The following CPA6 variants were observed in gnomAD, a reference collection of about 807,000 sequenced individuals.
The protein encoded by CPA6 is carboxypeptidase B.
A neutral mutation model predicts 63.3 loss-of-function variants in CPA6; 58 were observed. The ratio of observed to expected loss-of-function variants is 0.92; its 90% CI spans 0.74 to 1.14. The LOEUF (loss-of-function observed/expected upper bound fraction) is 1.14, where lower values mean the gene tolerates loss of function less well. CPA6 is among the 50% of genes most tolerant of loss of function. The pLI is 0.00. For synonymous variants in CPA6, 185 were observed against 179.0 expected, an observed-to-expected ratio of 1.03 and a Z score of -0.27; for missense variants, 565 against 526.6, an observed-to-expected ratio of 1.07 and a Z score of -0.71.
rs185791162 is a variant in CPA6 at position 67,707,205 on chromosome 8, A to G, written c.116+38809T>C. Among the ~76,000 whole-genome samples the G allele has an allele frequency of 4.1e-3, 629 of 152,328 alleles. 4 individuals carry two copies. Among genetic ancestry groups the G allele is most frequent in the African/African-American group, 0.012 (518 of 41,576 alleles). The stretch of plus-strand genomic sequence containing the variant: ...TGATAACTTTAGTGATTGTGACATT[A>G]GAATAGGTGAAAAAACTTTCAGGAC... On this transcript the variant is annotated intron_variant, in intron 1 of 10. Coordinates refer to ENST00000297770, the MANE Select transcript of CPA6 (RefSeq NM_020361.5).
rs1810395242 is a variant in CPA6, at chr8:67,445,676, T to G, written c.839-11436A>C. On this transcript the variant is annotated intron_variant, in intron 8 of 10. Coordinates refer to ENST00000297770, the MANE Select transcript of CPA6 (RefSeq NM_020361.5). ...TAAATAACTTAGTGTCTACATGTTG[T>G]TTTTCTTCAATGAATTTATGATATA... 3.3e-5 allele frequency among the ~76,000 whole-genome samples: 5 copies of G among 152,288 alleles called. No individual in the cohort carries two copies. In the South Asian group the frequency reaches 1.0e-3, roughly 32 times the overall value.
At chr8:67,443,835 AG>A (rs929315891) in intron 8 of CPA6, among the ~76,000 whole-genome samples, 1 of 152,224 alleles carries the variant, frequency 6.6e-6, no homozygotes, top group African/African-American at 2.4e-5. Flanking sequence ...AGCTGGAGGT[AG>A]GACAGTGGTA....
At chr8:67,678,568 A>T (rs1199014171) in intron 1 of CPA6, among the ~76,000 whole-genome samples, 1 of 152,224 alleles carries the variant, frequency 6.6e-6, no homozygotes, top group African/African-American at 2.4e-5. Context: ...TTAATACTCA[A>T]TGCAACACCA....
At chr8:67,428,007 AAG>A (rs749289771) in intron 10 of CPA6, 38 bp downstream of exon 10, 2 of 1,344,802 alleles carry the variant, frequency 1.5e-6, no homozygotes, top group Non-Finnish European at 2.1e-6. Context: ...ATATTGGTTC[AAG>A]AGAGAGGATT....
chr8:67,501,570 G>A (rs1350053158), intron 6 of CPA6, among the ~76,000 whole-genome samples: 1 of 152,026 alleles, frequency 6.6e-6, no homozygotes, highest in Admixed American at 6.6e-5. Flanking sequence ...TAACTTTTGA[G>A]TATTAAACTG....
At chr8:67,465,750 T>A (rs1810911543) in intron 8 of CPA6, among the ~76,000 whole-genome samples, 1 of 152,212 alleles carries the variant, frequency 6.6e-6, no homozygotes, top group Non-Finnish European at 1.5e-5. Context: ...ATGTGGTGAA[T>A]CACATTTATT....
chr8:67,435,165 T>A (rs927141230), intron 8 of CPA6, among the ~76,000 whole-genome samples: 59 of 152,158 alleles, frequency 3.9e-4, no homozygotes, highest in African/African-American at 1.3e-3. Context: ...GAGAGCACAG[T>A]GGGCCATGGA....
chr8:67,500,967 T>C (rs1413949583), intron 6 of CPA6, among the ~76,000 whole-genome samples: 2 of 152,102 alleles, frequency 1.3e-5, no homozygotes, highest in East Asian at 1.9e-4. Context: ...ATTGTAGGTA[T>C]ATAGTATGTC....
chr8:67,575,710 T>G (rs551773318), intron 2 of CPA6, among the ~76,000 whole-genome samples: 2 of 152,046 alleles, frequency 1.3e-5, no homozygotes, highest in African/African-American at 4.8e-5. Context: ...TACAAAAAAT[T>G]AGCCAGGCAT....
intron 6 of CPA6, among the ~76,000 whole-genome samples, chr8:67,505,562 T>C (rs1811910221): frequency 1.3e-5 from 2 of 152,296 alleles, no homozygotes; most frequent in South Asian, 2.1e-4. Flanking sequence ...TATGTATACA[T>C]TGGGTATTTG....
intron 6 of CPA6, among the ~76,000 whole-genome samples, chr8:67,500,395 TTA>T (rs1811807358): frequency 6.6e-6 from 1 of 152,190 alleles, no homozygotes; most frequent in African/African-American, 2.4e-5. Context: ...TGCTTGCTTT[TTA>T]CTGTCAAGTT....
At chr8:67,465,821 A>G (rs1359797300) in intron 8 of CPA6, among the ~76,000 whole-genome samples, 2 of 152,178 alleles carry the variant, frequency 1.3e-5, no homozygotes, top group African/African-American at 2.4e-5. Flanking sequence ...ATGATGATGA[A>G]TTAACTTTTT....
At chr8:67,620,847 A>G (rs1020715274) in intron 2 of CPA6, among the ~76,000 whole-genome samples, 2 of 152,214 alleles carry the variant, frequency 1.3e-5, no homozygotes, top group Admixed American at 6.5e-5. Flanking sequence ...TCTGAAAAAT[A>G]CTATCTTTAG....
chr8:67,479,440 C>T (rs1233603869), intron 8 of CPA6, among the ~76,000 whole-genome samples: 2 of 152,212 alleles, frequency 1.3e-5, no homozygotes, highest in Non-Finnish European at 2.9e-5. Flanking sequence ...GTGATTCCCT[C>T]ATGCTATGCA....
At chr8:67,463,158 T>C (rs1810850638) in intron 8 of CPA6, among the ~76,000 whole-genome samples, 1 of 152,170 alleles carries the variant, frequency 6.6e-6, no homozygotes, top group Non-Finnish European at 1.5e-5. Flanking sequence ...TAAAGAAGAA[T>C]TCTGGCCAGG....
intron 8 of CPA6, among the ~76,000 whole-genome samples, chr8:67,474,723 C>T (rs1342315048): frequency 2.6e-5 from 4 of 152,134 alleles, no homozygotes; most frequent in African/African-American, 9.7e-5. Context: ...CATCTGTAAT[C>T]CCAGCACTTT....
At chr8:67,675,269 T>C (rs1816444611) in intron 1 of CPA6, among the ~76,000 whole-genome samples, 1 of 152,086 alleles carries the variant, frequency 6.6e-6, no homozygotes, top group Non-Finnish European at 1.5e-5. Flanking sequence ...CCACCAGACA[T>C]AGACCTCTCC....
chr8:67,652,010 G>C (rs1815853177), intron 1 of CPA6, among the ~76,000 whole-genome samples: 1 of 151,418 alleles, frequency 6.6e-6, no homozygotes, highest in Admixed American at 6.6e-5. Context: ...TTTTGTCCTT[G>C]GTGATAGTTT....
chr8:67,582,963 G>T (rs1203503369), intron 2 of CPA6, among the ~76,000 whole-genome samples: 1 of 152,050 alleles, frequency 6.6e-6, no homozygotes, highest in Non-Finnish European at 1.5e-5. Context: ...TGGCATGACG[G>T]TTGTTTTTGG....
Sources: gnomAD v4.1 joint callset for allele counts (sites outside exome capture counted in the v4.1 genomes callset) on GRCh38, gnomAD v4.1.1 for gene constraint, MANE v1.5 for transcripts, NCBI Gene and HGNC (gene_info 2026-07-23, HGNC 2026-07-21) for gene names.